The following CNBD1 variants were observed in gnomAD, a reference collection of about 807,000 sequenced individuals.
CNBD1 encodes the protein cyclic nucleotide binding domain containing 1.
In CNBD1, 71 loss-of-function variants were observed where a neutral mutation model predicts 54.4. The observed-to-expected ratio is 1.30, with a 90% CI of 1.08 to 1.59. The LOEUF (loss-of-function observed/expected upper bound fraction) is 1.59, where lower values mean the gene tolerates loss of function less well. CNBD1 is among the 40% of genes most tolerant of loss of function. The pLI, the probability that CNBD1 is intolerant of heterozygous loss-of-function variation, is 0.00. For missense variants in CNBD1, 659 were observed against 518.0 expected, an observed-to-expected ratio of 1.27 and a Z score of -2.64; for synonymous variants, 182 against 170.7, an observed-to-expected ratio of 1.07 and a Z score of -0.51.
chr8:87,031,439 A>G (rs1443262621), intron 4 of CNBD1, among the ~76,000 whole-genome samples: 2 of 152,108 alleles, frequency 1.3e-5, no homozygotes, highest in Non-Finnish European at 2.9e-5. Context: ...CCTTATCAGT[A>G]GGGCTCATTT....
At chr8:87,321,637 A>T (rs1026412993) in intron 8 of CNBD1, among the ~76,000 whole-genome samples, 9 of 152,026 alleles carry the variant, frequency 5.9e-5, no homozygotes, top group Admixed American at 5.3e-4. Context: ...CTCATTCCAT[A>T]GGCTGCCTTT....
chr8:87,366,961 G>A (rs1039193419), intron 10 of CNBD1, among the ~76,000 whole-genome samples: 1 of 151,870 alleles, frequency 6.6e-6, no homozygotes, highest in South Asian at 2.1e-4. Context: ...TTAATATTGG[G>A]GAATATTTGC....
intron 4 of CNBD1, among the ~76,000 whole-genome samples, chr8:86,966,247 G>A (rs970624643): frequency 1.3e-5 from 2 of 152,162 alleles, no homozygotes; most frequent in Admixed American, 6.5e-5. Flanking sequence ...CAGGGGCCAG[G>A]CCAGGAATTA....
At chr8:87,255,994 TA>T (rs1808003738) in intron 6 of CNBD1, among the ~76,000 whole-genome samples, 5 of 14,010 alleles carry the variant, frequency 3.6e-4, no homozygotes, top group Middle Eastern at 0.017. Flanking sequence ...TATATATATA[TA>T]TATATATATA....
intron 3 of CNBD1, among the ~76,000 whole-genome samples, chr8:86,929,738 G>A (rs774310739): frequency 6.6e-6 from 1 of 152,156 alleles, no homozygotes; most frequent in Non-Finnish European, 1.5e-5. Context: ...CAACTAGTAT[G>A]CCATTTACAT....
intron 6 of CNBD1, among the ~76,000 whole-genome samples, chr8:87,284,196 G>A (rs1219504215): frequency 1.3e-5 from 2 of 151,904 alleles, no homozygotes; most frequent in African/African-American, 4.8e-5. Context: ...TATTCTAGTA[G>A]TAACATTTTT....
intron 3 of CNBD1, among the ~76,000 whole-genome samples, chr8:86,936,514 G>A (rs1809550589): frequency 6.6e-6 from 1 of 152,118 alleles, no homozygotes; most frequent in Non-Finnish European, 1.5e-5. Context: ...GCAGAGGTGG[G>A]TGGATCACGA....
chr8:87,355,596 A>G (rs1173535062), intron 10 of CNBD1, among the ~76,000 whole-genome samples: 1 of 152,202 alleles, frequency 6.6e-6, no homozygotes, highest in African/African-American at 2.4e-5. Flanking sequence ...TTGTAACATA[A>G]TAGGATATTA....
chr8:87,355,001 G>A (rs1000863213), intron 10 of CNBD1, among the ~76,000 whole-genome samples: 3 of 152,082 alleles, frequency 2.0e-5, no homozygotes, highest in Non-Finnish European at 2.9e-5. Context: ...TTAAAATGGC[G>A]ATCATTAAAA....
intron 4 of CNBD1, among the ~76,000 whole-genome samples, chr8:87,054,594 A>G (rs1255040108): frequency 6.6e-6 from 1 of 152,218 alleles, no homozygotes; most frequent in Non-Finnish European, 1.5e-5. Flanking sequence ...TATTGCATTC[A>G]AAGAAGGAAT....
At chr8:87,338,777 T>C (rs1000182968) in intron 8 of CNBD1, among the ~76,000 whole-genome samples, 1 of 152,276 alleles carries the variant, frequency 6.6e-6, no homozygotes, top group East Asian at 1.9e-4. Context: ...GAAGAAATTT[T>C]CAGTCATGTT....
chr8:87,363,320 G>T (rs936502627), intron 10 of CNBD1, among the ~76,000 whole-genome samples: 1 of 152,034 alleles, frequency 6.6e-6, no homozygotes, highest in African/African-American at 2.4e-5. Context: ...ATGTGCATGT[G>T]CCTTTATAGT....
chr8:87,415,602 C>A (rs1807822146), intron 2 of CNBD1, among the ~76,000 whole-genome samples: 1 of 151,952 alleles, frequency 6.6e-6, no homozygotes, highest in African/African-American at 2.4e-5. Flanking sequence ...ATTCCTGAAA[C>A]TTGTCCTGGA....
intron 3 of CNBD1, among the ~76,000 whole-genome samples, chr8:86,932,950 G>A (rs1436179088): frequency 1.3e-5 from 2 of 152,042 alleles, no homozygotes; most frequent in Non-Finnish European, 2.9e-5. Context: ...ATCACAAAGA[G>A]GACCAAGGAA....
intron 4 of CNBD1, among the ~76,000 whole-genome samples, chr8:87,034,319 T>C (rs1347136407): frequency 2.0e-5 from 3 of 152,232 alleles, no homozygotes; most frequent in Admixed American, 6.5e-5. Context: ...GCAAGAACTA[T>C]GACAGACCAC....
chr8:87,228,158 G>A (rs1325703165), intron 5 of CNBD1, among the ~76,000 whole-genome samples: 1 of 150,414 alleles, frequency 6.6e-6, no homozygotes, highest in Admixed American at 6.6e-5. Flanking sequence ...TTTTTTCAAA[G>A]TTTTCTACTT....
intron 2 of CNBD1, among the ~76,000 whole-genome samples, chr8:87,426,291 G>A (rs961990568): frequency 6.6e-6 from 1 of 152,190 alleles, no homozygotes; most frequent in Admixed American, 6.5e-5. Context: ...GCGTCGCTCA[G>A]GCTGGGAGCT....
At chr8:87,248,307 C>A (rs183951711) in intron 6 of CNBD1, among the ~76,000 whole-genome samples, 1 of 152,188 alleles carries the variant, frequency 6.6e-6, no homozygotes, top group African/African-American at 2.4e-5. Flanking sequence ...ACTTATGCCA[C>A]CTTTTAAACT....
At chr8:86,872,957 T>C (rs963725006) in intron 1 of CNBD1, among the ~76,000 whole-genome samples, 1 of 152,140 alleles carries the variant, frequency 6.6e-6, no homozygotes, top group African/African-American at 2.4e-5. Context: ...TTTTGTTCCC[T>C]GTGTATATGA....
Sources: gnomAD v4.1 joint callset for allele counts (sites outside exome capture counted in the v4.1 genomes callset) on GRCh38, gnomAD v4.1.1 for gene constraint, MANE v1.5 for transcripts, NCBI Gene and HGNC (gene_info 2026-07-23, HGNC 2026-07-21) for gene names.